Variants in SIK3 observed in about 807,000 individuals in gnomAD.
The protein encoded by SIK3 is SIK family kinase 3.
Under a neutral mutation model 144.2 loss-of-function variants are expected in SIK3, and 28 were observed. The ratio of observed to expected loss-of-function variants is 0.19; its 90% CI spans 0.14 to 0.27. The LOEUF is 0.27. SIK3 is among the 10% of genes least tolerant of loss of function. The pLI is 1.00. For missense variants in SIK3, 1,319 were observed against 1,776.0 expected, an observed-to-expected ratio of 0.74 and a Z score of 4.62; for synonymous variants, 686 against 676.3, an observed-to-expected ratio of 1.01 and a Z score of -0.22.
intron 3 of SIK3, among the ~76,000 whole-genome samples, chr11:116,949,450 A>C (rs963835743): frequency 6.6e-6 from 1 of 152,236 alleles, no homozygotes; most frequent in African/African-American, 2.4e-5. Context: ...ATTGGTCTAC[A>C]AACAATACAA....
intron 4 of SIK3, 130 bp downstream of exon 4, chr11:116,927,089 T>C (rs951597969): frequency 3.1e-5 from 20 of 647,606 alleles, no homozygotes; most frequent in Non-Finnish European, 4.4e-5. Context: ...CTATTTTTTT[T>C]TTCATCTTAA....
chr11:116,953,432 T>C (rs1231762046), intron 3 of SIK3, among the ~76,000 whole-genome samples: 1 of 152,174 alleles, frequency 6.6e-6, no homozygotes, highest in Admixed American at 6.5e-5. Flanking sequence ...AAAAAAATCG[T>C]TTTGTCAGTT....
chr11:116,896,008 A>G (rs1945380017), intron 6 of SIK3, among the ~76,000 whole-genome samples: 1 of 152,238 alleles, frequency 6.6e-6, no homozygotes, highest in South Asian at 2.1e-4. Flanking sequence ...GCCAATTTAT[A>G]GATGAGGACA....
chr11:116,994,675 C>T (rs988158781), intron 1 of SIK3, among the ~76,000 whole-genome samples: 15 of 152,248 alleles, frequency 9.9e-5, no homozygotes, highest in Admixed American at 3.9e-4. Context: ...CCATCACTGT[C>T]GGACTAAACT....
chr11:116,920,736 T>G (rs1164871127), intron 4 of SIK3, among the ~76,000 whole-genome samples: 1 of 152,288 alleles, frequency 6.6e-6, no homozygotes, highest in African/African-American at 2.4e-5. Context: ...CAGTACCGCC[T>G]GAACTTCAGT....
At chr11:116,900,982 A>G (rs1282257652) in intron 4 of SIK3, among the ~76,000 whole-genome samples, 2 of 151,898 alleles carry the variant, frequency 1.3e-5, no homozygotes, top group Non-Finnish European at 2.9e-5. Context: ...CTCCTGCCTC[A>G]GCCTCCCAGG....
chr11:117,036,092 T>A (rs77063239), intron 1 of SIK3: 1 of 679,890 alleles, frequency 1.5e-6, no homozygotes, highest in Non-Finnish European at 2.3e-6. Flanking sequence ...AAAGGTTAAT[T>A]TTTTTTTTTT....
In SIK3 at chr11:117,089,753, T is replaced by C. The variant is rs567595268; in HGVS notation, c.273+8390A>G. 2.0e-5 allele frequency among the ~76,000 whole-genome samples: 3 copies of C among 152,302 alleles called. No individual in the cohort carries two copies. The East Asian group carries it at 5.8e-4, about 29-fold the overall frequency. ...ACTTCATCAAAACCTAAATTTAGTT[T>C]AAAATAACTGGCCGAAAGTATCCAA... On this transcript the variant is annotated intron_variant, in intron 1 of 24. Coordinates refer to ENST00000445177, the MANE Select transcript of SIK3 (RefSeq NM_001366686.3).
intron 1 of SIK3, among the ~76,000 whole-genome samples, chr11:117,013,922 G>GTGTGTGTGTGTGTA (rs1951395957): frequency 2.1e-5 from 2 of 93,868 alleles, no homozygotes; most frequent in African/African-American, 6.9e-5. Flanking sequence ...GAGGGTGTGT[G>GTGTGTGTGTGTGTA]TGTGTGTGTG....
At chr11:116,882,926 C>T (rs141357695) in intron 6 of SIK3, among the ~76,000 whole-genome samples, 4 of 152,200 alleles carry the variant, frequency 2.6e-5, no homozygotes, top group East Asian at 3.9e-4. Context: ...AATAAATTGG[C>T]GATTAAATCT....
At chr11:116,917,579 A>G (rs747250161) in intron 4 of SIK3, among the ~76,000 whole-genome samples, 3 of 151,756 alleles carry the variant, frequency 2.0e-5, no homozygotes, top group Non-Finnish European at 4.4e-5. Context: ...ATGGTGGCAA[A>G]ACACCTGTAG....
chr11:116,939,933 T>G (rs1948193855), intron 3 of SIK3, among the ~76,000 whole-genome samples: 1 of 152,242 alleles, frequency 6.6e-6, no homozygotes, highest in Non-Finnish European at 1.5e-5. Context: ...ATGGATTTCT[T>G]GCATCGTAAT....
chr11:117,000,179 T>C (rs1009837713), intron 1 of SIK3, among the ~76,000 whole-genome samples: 2 of 152,240 alleles, frequency 1.3e-5, no homozygotes, highest in Non-Finnish European at 2.9e-5. Context: ...AGCAAGCTTA[T>C]ATAAAAGGGG....
At chr11:116,914,943 T>G (rs1185957229) in intron 4 of SIK3, among the ~76,000 whole-genome samples, 1 of 152,192 alleles carries the variant, frequency 6.6e-6, no homozygotes, top group Admixed American at 6.5e-5. Context: ...CAGAAGAGAC[T>G]TTAGCTAAAA....
chr11:117,022,478 C>T (rs1261973275), intron 1 of SIK3, among the ~76,000 whole-genome samples: 14 of 152,176 alleles, frequency 9.2e-5, no homozygotes, highest in Non-Finnish European at 2.1e-4. Flanking sequence ...TACATTTCAA[C>T]TTCTGTGTAC....
At chr11:117,045,035 T>C (rs1021882711) in intron 1 of SIK3, among the ~76,000 whole-genome samples, 3 of 152,344 alleles carry the variant, frequency 2.0e-5, no homozygotes, top group Non-Finnish European at 4.4e-5. Flanking sequence ...ACATAGGAGA[T>C]AAAGACTGGT....
In SIK3 at chr11:116,948,152, G is replaced by C. The variant is rs1948766394; in HGVS notation, c.454+5892C>G. On this transcript the variant is annotated intron_variant, in intron 3 of 24. Coordinates refer to ENST00000445177, the MANE Select transcript of SIK3 (RefSeq NM_001366686.3). ...GGTGTTTCACCATGTTGCCCAGGCTGGTCTTGAACTCCTGAGGTCAAGCAA... is the reference window on the plus strand; with the variant it reads ...GGTGTTTCACCATGTTGCCCAGGCTCGTCTTGAACTCCTGAGGTCAAGCAA... 3.3e-5 allele frequency among the ~76,000 whole-genome samples: 5 copies of C among 151,564 alleles called. No homozygotes were observed. The South Asian group carries it at 8.3e-4, about 25-fold the overall frequency.
intron 4 of SIK3, among the ~76,000 whole-genome samples, chr11:116,901,116 C>T (rs1304371417): frequency 6.6e-6 from 1 of 152,172 alleles, no homozygotes; most frequent in Non-Finnish European, 1.5e-5. Context: ...CAGCCCACCT[C>T]GGCCTCCCAA....
intron 4 of SIK3, among the ~76,000 whole-genome samples, chr11:116,903,145 A>G (rs113752469): frequency 4.1e-4 from 62 of 152,314 alleles, no homozygotes; most frequent in Middle Eastern, 3.4e-3. Flanking sequence ...CTAAATCTGG[A>G]AGTCATTTTG....
Sources: gnomAD v4.1 joint callset for allele counts (sites outside exome capture counted in the v4.1 genomes callset) on GRCh38, gnomAD v4.1.1 for gene constraint, MANE v1.5 for transcripts, NCBI Gene and HGNC (gene_info 2026-07-23, HGNC 2026-07-21) for gene names.